NEB: variants seen among roughly 807,000 people sequenced by gnomAD.
NEB encodes the protein nebulin.
NEB carries 512 observed loss-of-function variants against 952.2 expected under a neutral mutation model. The observed-to-expected ratio is 0.54, with a 90% confidence interval of 0.50 to 0.58. The LOEUF is 0.58. Among genes scored for constraint, NEB ranks in the 20% least tolerant of loss-of-function variants. NEB has a pLI of 0.00. For missense variants in NEB, 8,428 were observed against 9,231.1 expected (o/e 0.91, Z 3.56); for synonymous variants, 2,900 against 3,149.8 (o/e 0.92, Z 2.66).
chr2:151,566,541 T>G (rs959230112), intron 114 of NEB, among the ~76,000 whole-genome samples: 1 of 152,172 alleles, frequency 6.6e-6, no homozygotes, highest in Admixed American at 6.5e-5. Context: ...GCAACTAAGT[T>G]GATGCATCCA....
At chr2:151,629,770 C>T in intron 67 of NEB, 124 bp from the exon 68 acceptor site, 2 of 721,354 alleles carry the variant, frequency 2.8e-6, no homozygotes, top group African/African-American at 1.8e-5. Context: ...AAGTTTCTGG[C>T]AATAGTGGAA....
Position 151,529,307 on chromosome 2 carries a change from T to A in NEB, c.21638A>T (p.Tyr7213Phe). 1.2e-6 allele frequency: 2 copies of A among 1,605,338 alleles called. No individual in the cohort carries two copies. The highest frequency in any genetic ancestry group is 1.7e-6 in the Non-Finnish European group (2 of 1,172,022). ...KVKDEVSDLK[Y>F]KEVYQRNKSN... is the part of the protein sequence containing the mutation. ...TTTATTTCTTTGGTATACTTCTTTGTATTTCAGCTGTGGGAGGAAACACAG... is the reference window on the plus strand; with the variant it reads ...TTTATTTCTTTGGTATACTTCTTTGAATTTCAGCTGTGGGAGGAAACACAG... Residue 7213 changes from tyrosine (Y) to phenylalanine (F), a missense_variant, in exon 146 of 182, where the codon TAC becomes TTC. By Grantham distance (22) the Tyr-to-Phe change is conservative. This residue lies in a region of NEB where 3,374 missense variants were observed against 3,651.5 expected (regional missense o/e 0.92). Coordinates refer to ENST00000397345, the MANE Select transcript of NEB (RefSeq NM_001164508.2).
At chr2:151,592,276 A>G in intron 94 of NEB, 138 bp from the exon 95 acceptor site, 1 of 1,229,462 alleles carries the variant, frequency 8.1e-7, no homozygotes, top group Admixed American at 2.6e-5. Context: ...ATAATAAATT[A>G]AAACTAACAT....
chr2:151,655,234 A>G, intron 51 of NEB, 36 bp downstream of exon 51: 3 of 1,190,138 alleles, frequency 2.5e-6, no homozygotes, highest in Non-Finnish European at 3.6e-6. Context: ...ATAAGTTTCA[A>G]TACAAAACTT....
intron 13 of NEB, among the ~76,000 whole-genome samples, chr2:151,704,598 A>G (rs1252089105): frequency 6.6e-6 from 1 of 152,070 alleles, no homozygotes; most frequent in Non-Finnish European, 1.5e-5. Flanking sequence ...AAAGCGCAAT[A>G]TTCGGGAGGG....
rs2099060261 is a variant in NEB, at chr2:151,654,102, GAAA to G, written c.6808-6_6808-4del. ...TCCCATCCAAGTTTATAGAGTTTCT[GAAA>G]ATTAAAGATATTCTTCAGCATTATT... On this transcript the variant is annotated splice_region_variant and splice_polypyrimidine_tract_variant and intron_variant, in intron 51 of 181. Transcript: ENST00000397345. 1 of 1,569,882 alleles carries G rather than the reference GAAA, an allele frequency of 6.4e-7. No homozygotes were observed. The highest frequency in any genetic ancestry group is 1.8e-5 in the Admixed American group (1 of 56,738).
rs757248006 is a variant in NEB, at chr2:151,684,885, C to T, written c.2728G>A (p.Ala910Thr). The change falls in exon 28 of 182, where the codon GCA becomes ACA. Residue 910 changes from alanine (A) to threonine (T), a missense_variant. This residue lies in a region of NEB where 2,851 missense variants were observed against 2,791.5 expected (regional missense o/e 1.02). Transcript: ENST00000397345. ...TTATAATCAACGTCGCTGGCAATTG[C>T]CTGAGATTTCTTAGCTTGAGTGACT... ...LQVTQAKKSQ[A>T]IASDVDYKHI... 1.9e-6 allele frequency: 3 copies of T among 1,613,184 alleles called. No individual in the cohort carries two copies. Among genetic ancestry groups the T allele is most frequent in the Admixed American group, 1.7e-5 (1 of 59,936 alleles).
At position 151,609,204 on chromosome 2, in the gene NEB, A is replaced by G. The variant is rs72863249; in HGVS notation, c.12331-528T>C. ...GTGAAACTCCATTTCAAAATAAAAGAAAAAAAAAAGGAAAAACATTTCAAG... is the reference window on the plus strand; with the variant it reads ...GTGAAACTCCATTTCAAAATAAAAGGAAAAAAAAAGGAAAAACATTTCAAG... On this transcript the variant is annotated intron_variant, in intron 81 of 181. Coordinates refer to ENST00000397345, the MANE Select transcript of NEB (RefSeq NM_001164508.2). 5.5e-5 allele frequency among the ~76,000 whole-genome samples: 7 copies of G among 128,126 alleles called. No homozygotes were observed. The East Asian group carries it at 8.1e-4, about 15-fold the overall frequency. 84.1% of individuals were successfully genotyped at this position (128,126 alleles called of 152,430 possible).
rs189462757 is a variant in NEB at position 151,611,867 on chromosome 2, C to G, written c.11805+319G>C. On this transcript the variant is annotated intron_variant, in intron 78 of 181. Transcript: ENST00000397345. Reference sequence around the variant, plus strand: ...CAGATGGCTAAAGACACGTAAGTGGCCTGAATCTGCTCTGCCTAGGAGAAT... The same window carrying G: ...CAGATGGCTAAAGACACGTAAGTGGGCTGAATCTGCTCTGCCTAGGAGAAT... Among the ~76,000 whole-genome samples the G allele has an allele frequency of 2.6e-5, 4 of 152,226 alleles. No homozygotes were observed. In the East Asian group the frequency reaches 7.7e-4, roughly 29 times the overall value.
chr2:151,733,407 A>G (rs1319698001), intron 2 of NEB, among the ~76,000 whole-genome samples: 2 of 152,246 alleles, frequency 1.3e-5, no homozygotes, highest in Non-Finnish European at 2.9e-5. Context: ...CTACTTCTAC[A>G]TAATCAGTTT....
At position 151,562,682 on chromosome 2, in the gene NEB, G is replaced by A. The variant is rs2153711522; in HGVS notation, c.18820C>T (p.His6274Tyr). The A allele has an allele frequency of 6.2e-7, 1 of 1,604,378 alleles. No individual in the cohort carries two copies. The highest frequency in any genetic ancestry group is 8.5e-7 in the Non-Finnish European group (1 of 1,173,202). The change falls in exon 120 of 182, where the codon CAC becomes TAC. Residue 6274 changes from histidine to tyrosine, a missense_variant. Coordinates refer to ENST00000397345, the MANE Select transcript of NEB (RefSeq NM_001164508.2). Reference protein sequence around the residue: ...LSDLEYRHYFHQWTSLLEEPN... With the variant: ...LSDLEYRHYFYQWTSLLEEPN... ...TCTTCCAGAAGAGACGTCCACTGGT[G>A]GAAATAGTGTCGATACTCCAGGTCA...
chr2:151,671,364 C>T, intron 37 of NEB, 135 bp from the exon 38 acceptor site: 1 of 712,884 alleles, frequency 1.4e-6, no homozygotes, highest in Non-Finnish European at 2.3e-6. Flanking sequence ...TGTCACAGAG[C>T]TTATCTGGAG....
At chr2:151,498,076 A>G (rs2061520392) in intron 170 of NEB, 184 bp downstream of exon 170, 1 of 1,463,124 alleles carries the variant, frequency 6.8e-7, no homozygotes, top group Admixed American at 2.5e-5. Flanking sequence ...TTGTTTGTAA[A>G]TATCAGATGA....
chr2:151,734,303 T>C (rs1479163830), intron 1 of NEB, 95 bp downstream of exon 1: 1 of 152,198 alleles, frequency 6.6e-6, no homozygotes, highest in South Asian at 2.1e-4. Flanking sequence ...ACTAATTTCC[T>C]CAGTTATGGC....
intron 148 of NEB, 135 bp downstream of exon 148, chr2:151,526,783 G>T: frequency 2.9e-6 from 2 of 683,344 alleles, no homozygotes; most frequent in Non-Finnish European, 2.6e-6. Flanking sequence ...CACAGGACAG[G>T]CCATAATTCA....
intron 135 of NEB, among the ~76,000 whole-genome samples, 170 bp downstream of exon 135, chr2:151,545,718 G>A (rs1461869183): frequency 6.6e-6 from 1 of 152,186 alleles, no homozygotes; most frequent in Non-Finnish European, 1.5e-5. Flanking sequence ...GTAAAGTGCA[G>A]TTGGTTGACT....
intron 167 of NEB, among the ~76,000 whole-genome samples, 169 bp from the exon 168 acceptor site, chr2:151,501,652 T>C (rs532884424): frequency 1.3e-5 from 2 of 152,218 alleles, no homozygotes; most frequent in African/African-American, 2.4e-5. Context: ...GGACATTTAG[T>C]CACACACAGG....
Position 151,610,744 on chromosome 2 carries a change from A to G in NEB, c.11910+18T>C, listed in dbSNP as rs769285855. 6.3e-7 allele frequency: 1 copy of G among 1,598,476 alleles called. No individual in the cohort carries two copies. The highest frequency in any genetic ancestry group is 8.6e-7 in the Non-Finnish European group (1 of 1,167,272). ...TTAATTAATCTTAGGTTTAAGCAAC[A>G]ATCAGGAAATCTCTTACTTGGCTGA... On this transcript the variant is annotated intron_variant, in intron 79 of 181. Transcript: ENST00000397345.
chr2:151,609,138 G>T (rs993578882), intron 81 of NEB, among the ~76,000 whole-genome samples: 1 of 149,790 alleles, frequency 6.7e-6, no homozygotes, highest in African/African-American at 2.5e-5. Context: ...TTTAAGGGAT[G>T]GAGTGCAATT....
Sources: allele counts gnomAD v4.1 joint callset (sites outside exome capture counted in the v4.1 genomes callset), GRCh38; gene constraint gnomAD v4.1.1; regional missense constraint gnomAD v4.1.1; transcripts MANE v1.5; gene names NCBI Gene and HGNC (gene_info 2026-07-23, HGNC 2026-07-21).